ZNF592: variants seen among roughly 807,000 people sequenced by gnomAD.
ZNF592 encodes the protein spinocerebellar ataxia, autosomal recessive 5.
A neutral mutation model predicts 80.3 loss-of-function variants in ZNF592; 11 were observed. The ratio of observed to expected loss-of-function variants is 0.14; its 90% CI spans 0.09 to 0.23. The LOEUF (loss-of-function observed/expected upper bound fraction) is 0.23. ZNF592 is among the 10% of genes least tolerant of loss of function. The pLI is 1.00. For missense variants in ZNF592, 1,420 were observed against 1,633.9 expected (o/e 0.87, Z 2.26); for synonymous variants, 646 against 640.3 (o/e 1.01, Z -0.13).
rs1411829092 is a variant in ZNF592 at position 84,803,155 on chromosome 15, G to A, written c.*762G>A. The stretch of plus-strand genomic sequence containing the variant: ...CTGTTCTGCCTTTCCTGACAGGTGG[G>A]GTTGGGGCACACAGACATTGGAATA... On this transcript the variant is annotated 3_prime_UTR_variant, in exon 11 of 11. Transcript: ENST00000560079. 1 of 152,524 alleles carries A rather than the reference G, an allele frequency of 6.6e-6. No individual in the cohort carries two copies. Among genetic ancestry groups the A allele is most frequent in the Non-Finnish European group, 1.5e-5 (1 of 68,048 alleles). 9.4% of individuals were successfully genotyped at this position (152,524 alleles called of 1,614,324 possible). A position where few individuals can be genotyped will look rare whatever the true frequency, so the allele number is the denominator to read the frequency against.
Position 84,799,974 on chromosome 15 carries a change from T to A in ZNF592, c.3270T>A (p.Pro1090=). The part of the protein sequence containing the change: ...SKVKPPGGHS[P]QVNHLKRPVS... Reference sequence around the variant, plus strand: ...TGAAACCTCCGGGTGGACATTCCCCTCAGGTGAGTGTGGGCTCCCTGCCTA... The same window carrying A: ...TGAAACCTCCGGGTGGACATTCCCCACAGGTGAGTGTGGGCTCCCTGCCTA... Residue 1090 remains proline, a synonymous_variant, in exon 10 of 11, where the codon CCT becomes CCA. Transcript: ENST00000560079. This position sits in a 1 kb window ranked among gnomAD's most constrained non-coding sequence, Gnocchi z 4.2. 6.2e-7 allele frequency: 1 copy of A among 1,614,162 alleles called. No individual in the cohort carries two copies. The highest frequency in any genetic ancestry group is 8.5e-7 in the Non-Finnish European group (1 of 1,180,010).
chr15:84,761,857 A>G (rs1899360869), intron 1 of ZNF592, among the ~76,000 whole-genome samples: 2 of 152,166 alleles, frequency 1.3e-5, no homozygotes, highest in South Asian at 2.1e-4. Flanking sequence ...CCGTATGTTT[A>G]TTTCTCAGAA....
At position 84,798,093 on chromosome 15, in the gene ZNF592, A is replaced by AG; in HGVS notation, c.2576+49dup. 8.1e-6 allele frequency: 13 copies of AG among 1,606,112 alleles called. No homozygotes were observed. Among genetic ancestry groups the AG allele is most frequent in the Non-Finnish European group, 1.1e-5 (13 of 1,177,098 alleles). The stretch of plus-strand genomic sequence containing the variant: ...CAGGCCCTGTGGAGCAGAGAGGAGT[A>AG]GCCTGGGTGCTGTAGGGGGTGGCAT... On this transcript the variant is annotated intron_variant, in intron 6 of 10. Transcript: ENST00000560079. This position sits in a 1 kb window ranked among gnomAD's most constrained non-coding sequence, Gnocchi z 4.5.
chr15:84,784,140 C>A lies in ZNF592; in HGVS notation c.1465C>A (p.Gln489Lys). The A allele has an allele frequency of 1.2e-6, 2 of 1,614,178 alleles. No individual in the cohort carries two copies. The highest frequency in any genetic ancestry group is 1.7e-6 in the Non-Finnish European group (2 of 1,180,044). The change falls in exon 4 of 11, where the codon CAG becomes AAG. Residue 489 changes from glutamine to lysine, a missense_variant. Physicochemically the swap from Gln to Lys is moderately conservative, Grantham distance 53. Transcript: ENST00000560079. This position sits in a 1 kb window ranked among gnomAD's most constrained non-coding sequence, Gnocchi z 5.8. ...TGKKQQSTAL[Q>K]ASTLAPANLL... Reference sequence around the variant, plus strand: ...CAAGAAGCAACAGAGCACAGCACTGCAGGCATCCACCCTGGCCCCTGCCAA... The same window carrying A: ...CAAGAAGCAACAGAGCACAGCACTGAAGGCATCCACCCTGGCCCCTGCCAA...
intron 4 of ZNF592, among the ~76,000 whole-genome samples, chr15:84,786,510 T>A (rs1462116807): frequency 6.6e-6 from 1 of 151,994 alleles, no homozygotes; most frequent in Non-Finnish European, 1.5e-5. Context: ...CTTGGAAATA[T>A]TAGGGTAGAG....
intron 1 of ZNF592, among the ~76,000 whole-genome samples, chr15:84,752,115 G>A (rs542081058): frequency 6.6e-6 from 1 of 152,234 alleles, no homozygotes; most frequent in African/African-American, 2.4e-5. Flanking sequence ...CAGTCATACT[G>A]TGGTCATTTT....
rs1963030168 is a variant in ZNF592, at chr15:84,799,444, C to G, written c.3137+234C>G. Among the ~76,000 whole-genome samples, 1 of 152,122 alleles carries G rather than the reference C, an allele frequency of 6.6e-6. No homozygotes were observed. Among genetic ancestry groups the G allele is most frequent in the South Asian group, 2.1e-4 (1 of 4,824 alleles). On this transcript the variant is annotated intron_variant, in intron 9 of 10. Coordinates refer to ENST00000560079, the MANE Select transcript of ZNF592 (RefSeq NM_014630.3). This position sits in a 1 kb window ranked among gnomAD's most constrained non-coding sequence, Gnocchi z 4.2. ...ACTCTCTAGCCCAGGACTGCACAGC[C>G]CATCAGTCACGAAGCATCCTGAGGT...
At chr15:84,766,102 C>A (rs1162482155) in intron 2 of ZNF592, among the ~76,000 whole-genome samples, 1 of 151,600 alleles carries the variant, frequency 6.6e-6, no homozygotes, top group Non-Finnish European at 1.5e-5. Context: ...CAGCCTTTAC[C>A]CCCTGGGTTC....
At chr15:84,786,539 C>T (rs183854975) in intron 4 of ZNF592, among the ~76,000 whole-genome samples, 6 of 152,170 alleles carry the variant, frequency 3.9e-5, no homozygotes, top group Non-Finnish European at 7.4e-5. Context: ...TTGAGTTTGG[C>T]GGGCCTGTAG....
chr15:84,753,124 ATTGT>A (rs1166048125), intron 1 of ZNF592: 3 of 152,222 alleles, frequency 2.0e-5, no homozygotes, highest in African/African-American at 7.2e-5. Flanking sequence ...ATAATTCTGT[ATTGT>A]TTATGTGGGA....
chr15:84,769,226 C>T (rs1274423914), intron 2 of ZNF592, among the ~76,000 whole-genome samples: 3 of 152,188 alleles, frequency 2.0e-5, no homozygotes, highest in African/African-American at 7.2e-5. Flanking sequence ...TAGGCATGAG[C>T]CACTGTGCCT....
intron 5 of ZNF592, among the ~76,000 whole-genome samples, chr15:84,797,644 C>T (rs987714146): frequency 7.2e-5 from 11 of 152,246 alleles, no homozygotes; most frequent in African/African-American, 2.7e-4. Flanking sequence ...CTGTACAAGG[C>T]GTGGCCTTGG....
At position 84,782,857 on chromosome 15, in the gene ZNF592, C is replaced by T. The variant is rs758215815; in HGVS notation, c.182C>T (p.Pro61Leu). The change falls in exon 4 of 11, where the codon CCC (proline) becomes CTC (leucine). Residue 61 changes from proline to leucine, a missense_variant. By Grantham distance (98) the Pro-to-Leu change is moderately conservative. Transcript: ENST00000560079. ...SVSLSHSGSA[P>L]DVPAVSVIVK... ...TCCTTGTCTCACTCAGGATCAGCCC[C>T]CGATGTGCCGGCCGTGAGTGTCATT... is the stretch of plus-strand genomic sequence containing the variant. The T allele has an allele frequency of 1.9e-6, 3 of 1,614,146 alleles. No homozygotes were observed. Among genetic ancestry groups the T allele is most frequent in the East Asian group, 4.5e-5 (2 of 44,884 alleles).
In ZNF592 at chr15:84,806,331, C is replaced by T. The variant is rs1963232104; in HGVS notation, c.*3938C>T. Reference sequence around the variant, plus strand: ...AAAAAGTTGAGACTAGGACGCAGGTCCCAAGTATGGGATTTTTTTGGGTTC... The same window carrying T: ...AAAAAGTTGAGACTAGGACGCAGGTTCCAAGTATGGGATTTTTTTGGGTTC... On this transcript the variant is annotated 3_prime_UTR_variant, in exon 11 of 11. Transcript: ENST00000560079. The T allele has an allele frequency of 6.6e-6, 1 of 152,160 alleles. No homozygotes were observed. The highest frequency in any genetic ancestry group is 2.4e-5 in the African/African-American group (1 of 41,424). The allele number at this position is 152,160 out of a possible 1,614,324, so 9.4% of individuals were successfully genotyped here. A position where few individuals can be genotyped will look rare whatever the true frequency, so the allele number is the denominator to read the frequency against.
At chr15:84,789,356 A>C (rs1170271424) in intron 4 of ZNF592, among the ~76,000 whole-genome samples, 1 of 151,986 alleles carries the variant, frequency 6.6e-6, no homozygotes, top group African/African-American at 2.4e-5. Context: ...GGTTATTTCC[A>C]CTTCTTAGCT....
chr15:84,791,386 C>G (rs1962745188), intron 5 of ZNF592, among the ~76,000 whole-genome samples: 1 of 152,156 alleles, frequency 6.6e-6, no homozygotes, highest in South Asian at 2.1e-4. Context: ...AAAAAAGGAT[C>G]AGCCTCTTGG....
At chr15:84,768,149 C>T (rs1336653569) in intron 2 of ZNF592, among the ~76,000 whole-genome samples, 1 of 150,872 alleles carries the variant, frequency 6.6e-6, no homozygotes, top group Admixed American at 6.6e-5. Flanking sequence ...GCCTTGGCCT[C>T]ACGCTTGGGA....
chr15:84,782,446 A>G (rs1248287653), intron 3 of ZNF592, among the ~76,000 whole-genome samples: 2 of 152,140 alleles, frequency 1.3e-5, no homozygotes, highest in Non-Finnish European at 2.9e-5. Context: ...GCTTGTTGCT[A>G]CATTTCACTA....
chr15:84,785,529 C>G lies in ZNF592; in HGVS notation c.2220+634C>G, dbSNP rs188863678. Reference sequence around the variant, plus strand: ...GTTTCACCATGTTGCCCAGGCTGTTCTTGAACTCCTGGCTTCAAGTGATCT... The same window carrying G: ...GTTTCACCATGTTGCCCAGGCTGTTGTTGAACTCCTGGCTTCAAGTGATCT... On this transcript the variant is annotated intron_variant, in intron 4 of 10. Transcript: ENST00000560079. Among the ~76,000 whole-genome samples, 168 of 152,288 alleles carry G rather than the reference C, an allele frequency of 1.1e-3. 1 individual carries two copies. Among genetic ancestry groups the G allele is most frequent in the African/African-American group, 3.9e-3 (161 of 41,572 alleles).
Sources: allele counts gnomAD v4.1 joint callset (sites outside exome capture counted in the v4.1 genomes callset), GRCh38; gene constraint gnomAD v4.1.1; non-coding constraint Gnocchi (gnomAD v3.1); transcripts MANE v1.5; gene names NCBI Gene and HGNC (gene_info 2026-07-23, HGNC 2026-07-21).